The following GPBP1 variants were observed in gnomAD, a reference collection of about 807,000 sequenced individuals.
GPBP1 encodes GC-rich promoter binding protein 1, also known as vasculin.
In GPBP1, 13 loss-of-function variants were observed where a neutral mutation model predicts 56.5. The observed-to-expected ratio is 0.23, with a 90% CI of 0.15 to 0.37. The LOEUF (loss-of-function observed/expected upper bound fraction) is 0.37. GPBP1 is among the 10% of genes least tolerant of loss of function. The pLI is 1.00. For synonymous variants in GPBP1, 204 were observed against 188.9 expected, an observed-to-expected ratio of 1.08 and a Z score of -0.66; for missense variants, 477 against 572.3, an observed-to-expected ratio of 0.83 and a Z score of 1.70.
chr5:57,223,197 C>A (rs1756027916), intron 3 of GPBP1, among the ~76,000 whole-genome samples: 1 of 152,028 alleles, frequency 6.6e-6, no homozygotes, highest in South Asian at 2.1e-4. Flanking sequence ...TGGTCTTGAA[C>A]TCCTGGCCTC....
intron 2 of GPBP1, among the ~76,000 whole-genome samples, chr5:57,209,621 T>C (rs1194127253): frequency 9.7e-6 from 1 of 102,692 alleles, no homozygotes; most frequent in Non-Finnish European, 2.8e-5. Flanking sequence ...TGTGCTGTGG[T>C]TTTTTTTAAT....
At chr5:57,200,632 G>A (rs1055369561) in intron 2 of GPBP1, among the ~76,000 whole-genome samples, 2 of 151,942 alleles carry the variant, frequency 1.3e-5, no homozygotes, top group Non-Finnish European at 2.9e-5. Context: ...CTCCCAAAAT[G>A]CTGAGATTAC....
At chr5:57,234,331 A>T (rs1295310677) in intron 5 of GPBP1, among the ~76,000 whole-genome samples, 1 of 152,236 alleles carries the variant, frequency 6.6e-6, no homozygotes, top group Non-Finnish European at 1.5e-5. Flanking sequence ...TAGAGCACTC[A>T]TTCAATGCTC....
At position 57,231,149 on chromosome 5, in the gene GPBP1, G is replaced by C; in HGVS notation, c.239G>C (p.Gly80Ala). Residue 80 changes from glycine to alanine, a missense_variant, in exon 5 of 12, where the codon GGT becomes GCT. By Grantham distance (60) the Gly-to-Ala change is moderately conservative (BLOSUM62 0). Coordinates refer to ENST00000506184, the MANE Select transcript of GPBP1 (RefSeq NM_022913.4). ...KNGWRTHGRN[G>A]TENINHRGGY... The stretch of plus-strand genomic sequence containing the variant: ...GGATGGCGTACACATGGAAGAAATG[G>C]TACAGAAAACATAAATCATCGAGGT... 1 of 1,614,142 alleles carries C rather than the reference G, an allele frequency of 6.2e-7. No individual in the cohort carries two copies. Among genetic ancestry groups the C allele is most frequent in the Non-Finnish European group, 8.5e-7 (1 of 1,180,016 alleles).
chr5:57,203,712 C>G (rs1375780909), intron 2 of GPBP1, among the ~76,000 whole-genome samples: 6 of 152,130 alleles, frequency 3.9e-5, no homozygotes, highest in Non-Finnish European at 8.8e-5. Context: ...AGGATGGAGT[C>G]TAACAAATTT....
chr5:57,193,478 G>A (rs903811694), intron 2 of GPBP1, among the ~76,000 whole-genome samples: 7 of 151,882 alleles, frequency 4.6e-5, no homozygotes, highest in Non-Finnish European at 8.8e-5. Context: ...CCTGGGCATG[G>A]TGACTTGCGC....
chr5:57,261,358 G>C, intron 11 of GPBP1, 76 bp downstream of exon 11: 1 of 798,534 alleles, frequency 1.3e-6, no homozygotes, highest in Non-Finnish European at 2.1e-6. Context: ...TGTAAGCATG[G>C]AGTGGGGGAG....
intron 2 of GPBP1, among the ~76,000 whole-genome samples, chr5:57,198,749 G>C (rs913052746): frequency 6.6e-6 from 1 of 152,186 alleles, no homozygotes; most frequent in African/African-American, 2.4e-5. Context: ...TCGGGAGGCT[G>C]AGGTGGGAGA....
chr5:57,258,692 G>A (rs1043292389), intron 10 of GPBP1, among the ~76,000 whole-genome samples: 2 of 152,122 alleles, frequency 1.3e-5, no homozygotes, highest in Admixed American at 6.5e-5. Flanking sequence ...TTGTTGCCCA[G>A]GCTGGTCTTA....
intron 3 of GPBP1, among the ~76,000 whole-genome samples, chr5:57,219,634 C>T (rs963332644): frequency 6.6e-6 from 1 of 152,020 alleles, no homozygotes; most frequent in Non-Finnish European, 1.5e-5. Context: ...TCAGCATTTT[C>T]CCCAGTCCTG....
rs201188651 is a variant in GPBP1 at position 57,236,078 on chromosome 5, T to C, written c.478+46T>C. Reference sequence around the variant, plus strand: ...ATTTGAGGGGCACAAAATGTTGATATTTATAGGTTTCACTTTTTGTGTTTT... The same window carrying C: ...ATTTGAGGGGCACAAAATGTTGATACTTATAGGTTTCACTTTTTGTGTTTT... On this transcript the variant is annotated intron_variant, in intron 6 of 11. Transcript: ENST00000506184. The C allele has an allele frequency of 7.4e-5, 90 of 1,215,506 alleles. No homozygotes were observed. In the African/African-American group the frequency reaches 1.3e-3, roughly 17 times the overall value. The allele number at this position is 1,215,506 out of a possible 1,614,324, so 75.3% of individuals were successfully genotyped here. A position where few individuals can be genotyped will look rare whatever the true frequency, so the allele number is the denominator to read the frequency against.
chr5:57,228,749 A>T (rs1158164716), intron 3 of GPBP1, among the ~76,000 whole-genome samples: 1 of 152,168 alleles, frequency 6.6e-6, no homozygotes, highest in African/African-American at 2.4e-5. Context: ...AATACAAAAA[A>T]ATTTTTAAAA....
At chr5:57,204,424 A>AT (rs1410167802) in intron 2 of GPBP1, among the ~76,000 whole-genome samples, 2 of 151,828 alleles carry the variant, frequency 1.3e-5, no homozygotes, top group Non-Finnish European at 2.9e-5. Flanking sequence ...TAATATTTGT[A>AT]TTTTTTTGAT....
At position 57,264,058 on chromosome 5, in the gene GPBP1, A is replaced by G. The variant is rs1277882585; in HGVS notation, c.*1306A>G. The G allele has an allele frequency of 6.6e-6, 1 of 151,996 alleles. No homozygotes were observed. The highest frequency in any genetic ancestry group is 1.5e-5 in the Non-Finnish European group (1 of 67,962). The allele number at this position is 151,996 out of a possible 1,614,324, so 9.4% of individuals were successfully genotyped here. A position where few individuals can be genotyped will look rare whatever the true frequency, so the allele number is the denominator to read the frequency against. On this transcript the variant is annotated 3_prime_UTR_variant, in exon 12 of 12. Coordinates refer to ENST00000506184, the MANE Select transcript of GPBP1 (RefSeq NM_022913.4). ...CTCAGATGGCTGCAGTGTTTTTGCTATTTCTGCATAAATACCCTACCTGGA... is the reference window on the plus strand; with the variant it reads ...CTCAGATGGCTGCAGTGTTTTTGCTGTTTCTGCATAAATACCCTACCTGGA...
chr5:57,235,877 A>T, intron 5 of GPBP1, 89 bp from the exon 6 acceptor site: 2 of 914,806 alleles, frequency 2.2e-6, no homozygotes, highest in South Asian at 1.4e-5. Context: ...GTCATATTTG[A>T]TTCATCAGTT....
chr5:57,246,995 G>T (rs777628703), intron 7 of GPBP1, 80 bp from the exon 8 acceptor site: 13 of 1,321,294 alleles, frequency 9.8e-6, no homozygotes, highest in Non-Finnish European at 1.4e-5. Flanking sequence ...AGTCATTTTT[G>T]TTTTATAATA....
chr5:57,176,997 G>C (rs888193970), intron 2 of GPBP1, among the ~76,000 whole-genome samples: 2 of 152,158 alleles, frequency 1.3e-5, no homozygotes, highest in African/African-American at 4.8e-5. Flanking sequence ...TGTTGAAATG[G>C]TTTTGTATTT....
At chr5:57,177,913 A>G (rs955504624) in intron 2 of GPBP1, among the ~76,000 whole-genome samples, 7 of 151,912 alleles carry the variant, frequency 4.6e-5, no homozygotes, top group African/African-American at 1.7e-4. Context: ...GCTAGCTCCC[A>G]TAGAGTGAAA....
intron 2 of GPBP1, among the ~76,000 whole-genome samples, chr5:57,182,574 T>C (rs1169656216): frequency 2.0e-5 from 3 of 151,846 alleles, no homozygotes; most frequent in Non-Finnish European, 4.4e-5. Flanking sequence ...GGTTTCACCA[T>C]GTTGGCCAGG....
Sources: gnomAD v4.1 joint callset for allele counts (sites outside exome capture counted in the v4.1 genomes callset) on GRCh38, gnomAD v4.1.1 for gene constraint, MANE v1.5 for transcripts, NCBI Gene and HGNC (gene_info 2026-07-23, HGNC 2026-07-21) for gene names.